Variants in MTCH2 observed in about 807,000 individuals in gnomAD.
MTCH2 encodes the protein mitochondrial carrier 2, also known as mitochondrial carrier homolog 2.
A neutral mutation model predicts 50.6 loss-of-function variants in MTCH2; 25 were observed. The ratio of observed to expected loss-of-function variants is 0.49; its 90% CI spans 0.36 to 0.69. The LOEUF (loss-of-function observed/expected upper bound fraction) is 0.69, where lower values mean the gene tolerates loss of function less well. MTCH2 is among the 30% of genes least tolerant of loss of function. The pLI, the probability that MTCH2 is intolerant of heterozygous loss-of-function variation, is 0.00. For synonymous variants in MTCH2, 106 were observed against 132.0 expected (o/e 0.80, Z 1.35); for missense variants, 273 against 384.4 (o/e 0.71, Z 2.42).
chr11:47,628,847 G>C, intron 9 of MTCH2, 106 bp downstream of exon 9: 3 of 957,378 alleles, frequency 3.1e-6, no homozygotes, highest in Non-Finnish European at 4.8e-6. Context: ...CAAAGTGCTG[G>C]GATTACAGGT....
intron 7 of MTCH2, 27 bp downstream of exon 7, chr11:47,631,006 CCTT>C (rs770373682): frequency 1.2e-4 from 187 of 1,565,214 alleles, no homozygotes; most frequent in Non-Finnish European, 1.5e-4. Flanking sequence ...CAAAAGATCT[CCTT>C]GAGTATGTGA....
chr11:47,631,470 G>GA (rs2097302996), intron 6 of MTCH2, among the ~76,000 whole-genome samples, 184 bp downstream of exon 6: 2 of 150,672 alleles, frequency 1.3e-5, no homozygotes, highest in South Asian at 2.1e-4. Context: ...ATAGCCCTGG[G>GA]AAAAAAAAAG....
At chr11:47,633,527 T>TATATATATATATATATA (rs59398950) in intron 5 of MTCH2, among the ~76,000 whole-genome samples, 62 of 18,836 alleles carry the variant, frequency 3.3e-3, no homozygotes, top group Admixed American at 6.3e-3. Context: ...TATATATATA[T>TATATATATATATATATA]TTTTTTTTTT....
At position 47,627,136 on chromosome 11, in the gene MTCH2, G is replaced by C. The variant is rs2097298935; in HGVS notation, c.634-9C>G. ...TCATTCATGGTAGAAACCTAAAATA[G>C]GAAAAGAGCCTTAAATTAATTACCT... On this transcript the variant is annotated splice_polypyrimidine_tract_variant and intron_variant, in intron 9 of 12. Coordinates refer to ENST00000302503, the MANE Select transcript of MTCH2 (RefSeq NM_014342.4). The C allele has an allele frequency of 1.3e-6, 2 of 1,579,118 alleles. No homozygotes were observed. The highest frequency in any genetic ancestry group is 1.8e-5 in the Admixed American group (1 of 56,856).
At chr11:47,631,978 A>T (rs1162490579) in intron 5 of MTCH2, among the ~76,000 whole-genome samples, 1 of 152,110 alleles carries the variant, frequency 6.6e-6, no homozygotes, top group Non-Finnish European at 1.5e-5. Flanking sequence ...TTGTTTTCTC[A>T]ATTTTACAGG....
At chr11:47,609,124 C>CAAAAA in the MTCH2 span, among the ~76,000 whole-genome samples, 7 of 89,916 alleles carry the variant, frequency 7.8e-5, 1 homozygote, top group South Asian at 9.3e-4. Context: ...AACTCTGTCT[C>CAAAAA]AAAAAAAAAA....
Position 47,617,355 on chromosome 11 carries a change from A to G in MTCH2, c.*1478T>C, listed in dbSNP as rs2097289117. The stretch of plus-strand genomic sequence containing the variant: ...CATCTTTACTTAAAGATTTTTTGGG[A>G]GAAAAAGGTAGGCAGCAAACATTTT... On this transcript the variant is annotated 3_prime_UTR_variant, in exon 13 of 13. Coordinates refer to ENST00000302503, the MANE Select transcript of MTCH2 (RefSeq NM_014342.4). 1 of 152,236 alleles carries G rather than the reference A, an allele frequency of 6.6e-6. No individual in the cohort carries two copies. Among genetic ancestry groups the G allele is most frequent in the Non-Finnish European group, 1.5e-5 (1 of 68,030 alleles). 9.4% of individuals were successfully genotyped at this position (152,236 alleles called of 1,614,324 possible). A position where few individuals can be genotyped will look rare whatever the true frequency, so the allele number is the denominator to read the frequency against.
intron 6 of MTCH2, 79 bp from the exon 7 acceptor site, chr11:47,631,166 T>C: frequency 8.3e-7 from 1 of 1,211,418 alleles, no homozygotes; most frequent in Non-Finnish European, 1.2e-6. Context: ...CCCAGCACTT[T>C]GAGAGGCCGA....
At chr11:47,620,861 G>A (rs942228033) in intron 12 of MTCH2, among the ~76,000 whole-genome samples, 2 of 152,210 alleles carry the variant, frequency 1.3e-5, no homozygotes, top group African/African-American at 4.8e-5. Context: ...GCTGTTTTGA[G>A]GATTACATGA....
At chr11:47,642,251 G>A (rs1598860311) in intron 1 of MTCH2, 128 bp downstream of exon 1, 3 of 792,664 alleles carry the variant, frequency 3.8e-6, no homozygotes, top group Non-Finnish European at 3.9e-6. Context: ...GGAGGTAAAG[G>A]GCAGCGGAGG....
chr11:47,625,527 A>G (rs1188104811), intron 11 of MTCH2, 147 bp downstream of exon 11: 1 of 598,102 alleles, frequency 1.7e-6, no homozygotes, highest in African/African-American at 1.9e-5. Context: ...TAATGGTATC[A>G]ATTATACTTT....
chr11:47,608,929 G>A, the MTCH2 span, among the ~76,000 whole-genome samples: 2 of 134,524 alleles, frequency 1.5e-5, no homozygotes, highest in Non-Finnish European at 3.1e-5. Flanking sequence ...CTGCCCTCCA[G>A]CCTGGGCGAC....
At chr11:47,613,669 T>A (rs941147439), downstream of MTCH2, among the ~76,000 whole-genome samples, 7 of 152,234 alleles carry the variant, frequency 4.6e-5, no homozygotes, top group Non-Finnish European at 8.8e-5. Flanking sequence ...TTGTTTCCGC[T>A]ATTTATAATT....
At chr11:47,619,773 G>A (rs2097291506) in intron 12 of MTCH2, among the ~76,000 whole-genome samples, 1 of 151,912 alleles carries the variant, frequency 6.6e-6, no homozygotes, top group Non-Finnish European at 1.5e-5. Context: ...AAACCCCGTT[G>A]CTACAAAAAA....
At chr11:47,604,483 T>A in the MTCH2 span, among the ~76,000 whole-genome samples, 1 of 152,278 alleles carries the variant, frequency 6.6e-6, no homozygotes, top group East Asian at 1.9e-4. Flanking sequence ...AGTCAGTGAT[T>A]TTACTTCTTG....
At chr11:47,614,748 T>G (rs1053844378), downstream of MTCH2, among the ~76,000 whole-genome samples, 16 of 152,306 alleles carry the variant, frequency 1.1e-4, no homozygotes, top group South Asian at 1.9e-3. Context: ...TACCTAATTT[T>G]TGTAATTTTA....
intron 4 of MTCH2, 75 bp downstream of exon 4, chr11:47,635,470 T>C (rs1285034821): frequency 6.5e-7 from 1 of 1,531,968 alleles, no homozygotes; most frequent in African/African-American, 1.4e-5. Context: ...TTGGCTTTTC[T>C]CCAAAAGAGG....
the MTCH2 span, among the ~76,000 whole-genome samples, chr11:47,609,254 AGACC>A: frequency 6.6e-6 from 1 of 151,246 alleles, no homozygotes; most frequent in Non-Finnish European, 1.5e-5. Context: ...CAGGAGTTTG[AGACC>A]AGCCTGGGCA....
In MTCH2 at chr11:47,638,953, T is replaced by G; in HGVS notation, c.172+14A>C. 2 of 1,600,084 alleles carry G rather than the reference T, an allele frequency of 1.2e-6. No individual in the cohort carries two copies. Among genetic ancestry groups the G allele is most frequent in the East Asian group, 2.2e-5 (1 of 44,698 alleles). Reference sequence around the variant, plus strand: ...TCAACGTCATGCAAACCCAAATAAATCAAAGGCACTTACCATAACTAAAGA... The same window carrying G: ...TCAACGTCATGCAAACCCAAATAAAGCAAAGGCACTTACCATAACTAAAGA... On this transcript the variant is annotated intron_variant, in intron 2 of 12. Coordinates refer to ENST00000302503, the MANE Select transcript of MTCH2 (RefSeq NM_014342.4).
Sources: allele counts gnomAD v4.1 joint callset (sites outside exome capture counted in the v4.1 genomes callset), GRCh38; gene constraint gnomAD v4.1.1; transcripts MANE v1.5; gene names NCBI Gene and HGNC (gene_info 2026-07-23, HGNC 2026-07-21).